The following ZC3H12B variants were observed in gnomAD, a reference collection of about 807,000 sequenced individuals.
ZC3H12B encodes probable ribonuclease ZC3H12B.
ZC3H12B carries 7 observed loss-of-function variants against 43.9 expected under a neutral mutation model. The ratio of observed to expected loss-of-function variants is 0.16; its 90% CI spans 0.09 to 0.30. The LOEUF (loss-of-function observed/expected upper bound fraction) is 0.30. ZC3H12B is among the 10% of genes least tolerant of loss of function. ZC3H12B has a pLI of 1.00. For synonymous variants in ZC3H12B, 222 were observed against 241.7 expected, an observed-to-expected ratio of 0.92 and a Z score of 0.76; for missense variants, 475 against 670.2, an observed-to-expected ratio of 0.71 and a Z score of 3.22.
chrX:65,473,494 G>T (rs762109546), intron 3 of ZC3H12B, among the ~76,000 whole-genome samples: 1 of 111,686 alleles, frequency 9.0e-6, no homozygotes. Context: ...GCTCACTTTG[G>T]GTAGTATGGA....
At chrX:65,346,195 C>A in the ZC3H12B span, among the ~76,000 whole-genome samples, 1 of 108,868 alleles carries the variant, frequency 9.2e-6, no homozygotes, top group African/African-American at 3.3e-5. Flanking sequence ...AACCCAGAAG[C>A]ACCTTGTTAC....
chrX:65,390,424 G>T (rs1250628549), intron 2 of ZC3H12B, among the ~76,000 whole-genome samples: 1 of 111,156 alleles, frequency 9.0e-6, no homozygotes, highest in Non-Finnish European at 1.9e-5. Flanking sequence ...AAGGATAGGA[G>T]TTGCTATACT....
chrX:65,144,718 T>G, the ZC3H12B span, among the ~76,000 whole-genome samples: 1 of 111,825 alleles, frequency 8.9e-6, no homozygotes, highest in Non-Finnish European at 1.9e-5. Flanking sequence ...TCATCTTGAT[T>G]TCATTTTTGA....
the ZC3H12B span, among the ~76,000 whole-genome samples, chrX:65,056,466 A>C: frequency 4.9e-3 from 546 of 110,986 alleles, 5 homozygotes; most frequent in African/African-American, 0.017. Flanking sequence ...AGTTTGTTAT[A>C]ATTTCTGTTT....
intron 3 of ZC3H12B, among the ~76,000 whole-genome samples, chrX:65,462,435 G>A (rs2067763720): frequency 9.0e-6 from 1 of 111,337 alleles, no homozygotes; most frequent in Non-Finnish European, 1.9e-5. Flanking sequence ...TTGCTTAAAC[G>A]GGGAAGGTGG....
chrX:65,165,703 C>T, the ZC3H12B span, among the ~76,000 whole-genome samples: 1 of 112,481 alleles, frequency 8.9e-6, no homozygotes, highest in Non-Finnish European at 1.9e-5. Context: ...CATTGATCAA[C>T]ATTTGAGTTG....
the ZC3H12B span, among the ~76,000 whole-genome samples, chrX:65,193,868 A>T: frequency 9.0e-6 from 1 of 111,519 alleles, no homozygotes; most frequent in African/African-American, 3.3e-5. Context: ...TTTATAAAGA[A>T]AAGAAGTTTA....
At chrX:65,411,457 G>A (rs2066902189) in intron 3 of ZC3H12B, among the ~76,000 whole-genome samples, 1 of 111,618 alleles carries the variant, frequency 9.0e-6, no homozygotes, top group African/African-American at 3.3e-5. Context: ...GCCAGGCATG[G>A]TGGCTCATGC....
chrX:65,060,418 G>T, the ZC3H12B span, among the ~76,000 whole-genome samples: 6 of 111,779 alleles, frequency 5.4e-5, no homozygotes, highest in Non-Finnish European at 1.1e-4. Flanking sequence ...AAACGATGTT[G>T]AATTTTATCA....
At chrX:65,100,624 A>G in the ZC3H12B span, among the ~76,000 whole-genome samples, 2 of 106,885 alleles carry the variant, frequency 1.9e-5, no homozygotes, top group African/African-American at 3.5e-5. Flanking sequence ...CTCTGATAAA[A>G]CAGACTAAAC....
At chrX:65,118,132 A>T in the ZC3H12B span, among the ~76,000 whole-genome samples, 1 of 111,272 alleles carries the variant, frequency 9.0e-6, no homozygotes, top group African/African-American at 3.3e-5. Context: ...GATGGCATTG[A>T]ATCTATAAAT....
chrX:65,188,802 G>GTT, the ZC3H12B span, among the ~76,000 whole-genome samples: 4,163 of 100,525 alleles, frequency 0.041, 180 homozygotes, highest in African/African-American at 0.13. Flanking sequence ...AAGTCTTTAA[G>GTT]TTTTTTTTTT....
chrX:65,152,527 G>A, the ZC3H12B span, among the ~76,000 whole-genome samples: 1 of 111,005 alleles, frequency 9.0e-6, no homozygotes, highest in Non-Finnish European at 1.9e-5. Context: ...CAACTTACAA[G>A]GGACGTGAAG....
the ZC3H12B span, among the ~76,000 whole-genome samples, chrX:65,116,275 A>G: frequency 1.8e-5 from 2 of 111,663 alleles, no homozygotes; most frequent in Non-Finnish European, 3.8e-5. Context: ...TAGCTTGCCA[A>G]TTATCCCAGC....
chrX:65,497,046 C>A, intron 1 of ZC3H12B, 86 bp from the exon 7 acceptor site: 1 of 761,708 alleles, frequency 1.3e-6, no homozygotes. Context: ...ATTATTAATA[C>A]CTTGGTACTA....
chrX:65,372,336 G>A (rs1405578433), intron 2 of ZC3H12B, among the ~76,000 whole-genome samples: 2 of 111,451 alleles, frequency 1.8e-5, no homozygotes, highest in Non-Finnish European at 3.8e-5. Flanking sequence ...GTAAATGTAG[G>A]TATCAAATAT....
the ZC3H12B span, among the ~76,000 whole-genome samples, chrX:65,124,428 G>A: frequency 9.1e-6 from 1 of 110,472 alleles, no homozygotes; most frequent in Admixed American, 9.7e-5. Flanking sequence ...ATGTTTTTCA[G>A]GGATATTGGT....
At chrX:65,212,658 A>G in the ZC3H12B span, among the ~76,000 whole-genome samples, 1 of 87,751 alleles carries the variant, frequency 1.1e-5, no homozygotes, top group African/African-American at 4.3e-5. Flanking sequence ...ATCATATATT[A>G]TATATAAATA....
the ZC3H12B span, among the ~76,000 whole-genome samples, chrX:65,270,286 G>T: frequency 8.9e-6 from 1 of 111,856 alleles, no homozygotes. Context: ...ATGAGGAAAG[G>T]AGAGTGTTTT....
Sources: allele counts gnomAD v4.1 joint callset (sites outside exome capture counted in the v4.1 genomes callset), GRCh38; gene constraint gnomAD v4.1.1; transcripts MANE v1.5; gene names NCBI Gene and HGNC (gene_info 2026-07-23, HGNC 2026-07-21).